The following LOXHD1 variants were observed in gnomAD, a reference collection of about 807,000 sequenced individuals.
The protein encoded by LOXHD1 is lipoxygenase homology PLAT domains 1.
A neutral mutation model predicts 248.2 loss-of-function variants in LOXHD1; 205 were observed. That is an observed-to-expected ratio of 0.83 (90% CI 0.74 to 0.93). LOXHD1 has a LOEUF of 0.93. Ranked by LOEUF, LOXHD1 falls within the 40% of genes least tolerant of loss-of-function variation. LOXHD1 has a pLI of 0.00. For missense variants in LOXHD1, 2,930 were observed against 2,971.6 expected (o/e 0.99, Z 0.33); for synonymous variants, 1,113 against 1,162.8 (o/e 0.96, Z 0.87).
At chr18:46,559,229 G>GC (rs561560394) in intron 20 of LOXHD1, 2 of 1,500,742 alleles carry the variant, frequency 1.3e-6, no homozygotes, top group South Asian at 2.4e-5. Context: ...GGGTCAGCTG[G>GC]CCCATGGGCT....
At chr18:46,479,763 GAA>G (rs11366561) in intron 40 of LOXHD1, among the ~76,000 whole-genome samples, 2 of 126,006 alleles carry the variant, frequency 1.6e-5, no homozygotes, top group Non-Finnish European at 1.7e-5. Flanking sequence ...ATTCTTAACA[GAA>G]AAAAAAAAAA....
At chr18:46,509,872 G>T (rs1306072487) in intron 34 of LOXHD1, 57 bp from the exon 35 acceptor site, 2 of 1,143,202 alleles carry the variant, frequency 1.7e-6, no homozygotes, top group Non-Finnish European at 2.5e-6. Context: ...GGAGGGTTGG[G>T]GTGGGCCAGG....
At position 46,620,746 on chromosome 18, in the gene LOXHD1, G is replaced by A. The variant is rs1485871877; in HGVS notation, c.512-2456C>T. Among the ~76,000 whole-genome samples, 3 of 152,196 alleles carry A rather than the reference G, an allele frequency of 2.0e-5. No homozygotes were observed. The East Asian group carries it at 5.8e-4, about 29-fold the overall frequency. ...GTGAGAGGATGTGGAAACGCTAAAG[G>A]TCCTTTTTAATCTGCAATTCCTTGA... On this transcript the variant is annotated intron_variant, in intron 4 of 40. Coordinates refer to ENST00000642948, the MANE Select transcript of LOXHD1 (RefSeq NM_001384474.1).
At chr18:46,506,591 T>C (rs555979112) in intron 36 of LOXHD1, among the ~76,000 whole-genome samples, 2 of 152,304 alleles carry the variant, frequency 1.3e-5, no homozygotes, top group South Asian at 4.1e-4. Flanking sequence ...GAGTGCATCA[T>C]AAAGGGATGG....
intron 6 of LOXHD1, among the ~76,000 whole-genome samples, chr18:46,608,463 GCT>G (rs2038455858): frequency 6.6e-6 from 1 of 152,144 alleles, no homozygotes; most frequent in South Asian, 2.1e-4. Context: ...ACCCTTTAAA[GCT>G]CTGTCCACTA....
At chr18:46,625,552 T>C (rs1269957574) in intron 4 of LOXHD1, among the ~76,000 whole-genome samples, 1 of 152,162 alleles carries the variant, frequency 6.6e-6, no homozygotes, top group East Asian at 1.9e-4. Flanking sequence ...TATGAATTTT[T>C]GTTGGGCTAC....
intron 34 of LOXHD1, among the ~76,000 whole-genome samples, chr18:46,512,186 CA>C (rs2035002063): frequency 6.6e-6 from 1 of 152,134 alleles, no homozygotes; most frequent in Admixed American, 6.5e-5. Context: ...TGCACTTCCC[CA>C]ATTACCCCTG....
At chr18:46,550,600 A>AAAAAAAAAAG (rs1719285748) in intron 21 of LOXHD1, among the ~76,000 whole-genome samples, 1 of 150,278 alleles carries the variant, frequency 6.7e-6, no homozygotes, top group Non-Finnish European at 1.5e-5. Context: ...AAAAAAAAAA[A>AAAAAAAAAAG]AGAGTCAGCG....
At chr18:46,560,861 C>T (rs1217591849) in intron 18 of LOXHD1, among the ~76,000 whole-genome samples, 2 of 152,132 alleles carry the variant, frequency 1.3e-5, no homozygotes, top group Non-Finnish European at 1.5e-5. Context: ...CACGCGCGCG[C>T]GCGCGCCTCA....
In LOXHD1 at chr18:46,559,991, G is replaced by T; in HGVS notation, c.3061+92C>A. ...GCCCACCTATTTGGCCTCCACGTGA[G>T]GGGGATCTAGGCCCCCTGCCCCCAG... On this transcript the variant is annotated intron_variant, in intron 19 of 40. Transcript: ENST00000642948. 3 of 1,399,066 alleles carry T rather than the reference G, an allele frequency of 2.1e-6. No homozygotes were observed. In the South Asian group the frequency reaches 4.1e-5, roughly 19 times the overall value. 86.7% of individuals were successfully genotyped at this position (1,399,066 alleles called of 1,614,324 possible). A position where few individuals can be genotyped will look rare whatever the true frequency, so the allele number is the denominator to read the frequency against.
chr18:46,645,441 GAC>G (rs2039017084), intron 2 of LOXHD1, among the ~76,000 whole-genome samples: 1 of 152,212 alleles, frequency 6.6e-6, no homozygotes, highest in African/African-American at 2.4e-5. Context: ...GGCATTCTCT[GAC>G]ACACTCAGAT....
At chr18:46,648,544 T>C (rs1435120954) in intron 2 of LOXHD1, among the ~76,000 whole-genome samples, 1 of 152,196 alleles carries the variant, frequency 6.6e-6, no homozygotes, top group Non-Finnish European at 1.5e-5. Flanking sequence ...TCTGCTAACA[T>C]GTTCTCAGGT....
In LOXHD1 at chr18:46,522,924, G is replaced by T. The variant is rs79240713; in HGVS notation, c.4877-615C>A. On this transcript the variant is annotated intron_variant, in intron 31 of 40. Coordinates refer to ENST00000642948, the MANE Select transcript of LOXHD1 (RefSeq NM_001384474.1). ...TATGACATGGAAGGAGACATTGTTG[G>T]GTAGGTTTCTGGGGAAATCTTTTTT... Among the ~76,000 whole-genome samples, 249 of 152,158 alleles carry T rather than the reference G, an allele frequency of 1.6e-3. 2 individuals are homozygous for T. Among genetic ancestry groups the T allele is most frequent in the African/African-American group, 5.9e-3 (244 of 41,514 alleles).
At chr18:46,485,622 A>G (rs1031020958) in intron 38 of LOXHD1, among the ~76,000 whole-genome samples, 4 of 152,074 alleles carry the variant, frequency 2.6e-5, no homozygotes, top group Admixed American at 1.3e-4. Flanking sequence ...TATTCACTCA[A>G]TCGTGTCTGC....
chr18:46,544,952 C>CTAAA (rs1568165348), intron 23 of LOXHD1: 4 of 480,218 alleles, frequency 8.3e-6, no homozygotes, highest in Non-Finnish European at 1.7e-5. Flanking sequence ...GGACCCAACA[C>CTAAA]TAAACACCAC....
At chr18:46,620,139 C>A (rs2038647692) in intron 4 of LOXHD1, among the ~76,000 whole-genome samples, 1 of 152,208 alleles carries the variant, frequency 6.6e-6, no homozygotes, top group Admixed American at 6.5e-5. Flanking sequence ...GAGGCCTCAG[C>A]CGTGGCTAGC....
intron 40 of LOXHD1, among the ~76,000 whole-genome samples, chr18:46,478,809 C>T (rs2143449386): frequency 6.6e-6 from 1 of 152,330 alleles, no homozygotes; most frequent in Admixed American, 6.5e-5. Context: ...CCTCCTGCCT[C>T]AGCCTCCTGA....
rs1568184692 is a variant in LOXHD1, at chr18:46,560,052, T to TTC, written c.3061+30_3061+31insGA. ...TTAGGGGAACTGTCTGGCCACTCCC[T>TTC]CCCCACCCCCACCCCCCACGACCCA... On this transcript the variant is annotated intron_variant, in intron 19 of 40. Transcript: ENST00000642948. 227 of 441,096 alleles carry TTC rather than the reference T, an allele frequency of 5.1e-4. 1 individual carries two copies. The highest frequency in any genetic ancestry group is 1.6e-3 in the South Asian group (58 of 35,456). The allele number at this position is 441,096 out of a possible 1,614,324, so 27.3% of individuals were successfully genotyped here.
intron 37 of LOXHD1, among the ~76,000 whole-genome samples, chr18:46,494,192 G>A (rs577647362): frequency 2.0e-5 from 3 of 152,162 alleles, no homozygotes; most frequent in African/African-American, 7.2e-5. Context: ...TTTTGTGGCT[G>A]GTTTTATCTG....
Sources: gnomAD v4.1 joint callset for allele counts (sites outside exome capture counted in the v4.1 genomes callset) on GRCh38, gnomAD v4.1.1 for gene constraint, MANE v1.5 for transcripts, NCBI Gene and HGNC (gene_info 2026-07-23, HGNC 2026-07-21) for gene names.